ARHGEF38: variants seen among roughly 807,000 people sequenced by gnomAD.
The protein encoded by ARHGEF38 is Rho guanine nucleotide exchange factor (GEF) 38.
A neutral mutation model predicts 79.9 loss-of-function variants in ARHGEF38; 79 were observed. The ratio of observed to expected loss-of-function variants is 0.99; its 90% CI spans 0.82 to 1.19. The LOEUF (loss-of-function observed/expected upper bound fraction) is 1.19, where lower values mean the gene tolerates loss of function less well. Among genes scored for constraint, ARHGEF38 ranks in the 50% most tolerant of loss-of-function variants. The pLI is 0.00. For synonymous variants in ARHGEF38, 366 were observed against 328.3 expected (o/e 1.11, Z -1.24); for missense variants, 962 against 907.2 (o/e 1.06, Z -0.78).
At chr4:105,600,334 G>C (rs1355579554) in intron 2 of ARHGEF38, among the ~76,000 whole-genome samples, 1 of 152,166 alleles carries the variant, frequency 6.6e-6, no homozygotes, top group African/African-American at 2.4e-5. Context: ...AATTGCTTTA[G>C]ACATTAGCAA....
chr4:105,555,111 G>A (rs920905911), intron 1 of ARHGEF38, among the ~76,000 whole-genome samples: 1 of 152,150 alleles, frequency 6.6e-6, no homozygotes, highest in Non-Finnish European at 1.5e-5. Context: ...TTACTTTGCA[G>A]AAGACCTCAG....
chr4:105,565,180 T>A (rs535017201), intron 1 of ARHGEF38, among the ~76,000 whole-genome samples: 1 of 152,336 alleles, frequency 6.6e-6, no homozygotes, highest in African/African-American at 2.4e-5. Context: ...GCCCTTCCAA[T>A]GAAGATAAAA....
At chr4:105,568,303 C>T (rs1268812441) in intron 1 of ARHGEF38, among the ~76,000 whole-genome samples, 4 of 151,544 alleles carry the variant, frequency 2.6e-5, no homozygotes, top group Admixed American at 1.3e-4. Context: ...CCATCTCACA[C>T]CAGTTAGAAT....
chr4:105,661,252 C>A (rs527937173), intron 10 of ARHGEF38, among the ~76,000 whole-genome samples: 391 of 152,158 alleles, frequency 2.6e-3, no homozygotes, highest in Non-Finnish European at 4.0e-3. Flanking sequence ...TGGGTTATTT[C>A]CATTTTTTGG....
At position 105,580,222 on chromosome 4, in the gene ARHGEF38, A is replaced by G. The variant is rs1409425520; in HGVS notation, c.197-9026A>G. ...GTTTTCATGTCTCGATCTTCTATTC[A>G]GCTCTGATTTTGATTAGTTTGTGTC... On this transcript the variant is annotated intron_variant, in intron 1 of 13. Coordinates refer to ENST00000420470, the MANE Select transcript of ARHGEF38 (RefSeq NM_001242729.2). 2.6e-5 allele frequency among the ~76,000 whole-genome samples: 4 copies of G among 151,990 alleles called. No homozygotes were observed. The East Asian group carries it at 7.7e-4, about 29-fold the overall frequency.
intron 13 of ARHGEF38, among the ~76,000 whole-genome samples, chr4:105,674,618 A>G (rs1307643004): frequency 6.6e-6 from 1 of 152,120 alleles, no homozygotes; most frequent in Non-Finnish European, 1.5e-5. Flanking sequence ...GCTTACTTCC[A>G]TTTTGAGTAT....
At chr4:105,594,410 A>G (rs1482881741) in intron 2 of ARHGEF38, among the ~76,000 whole-genome samples, 1 of 152,232 alleles carries the variant, frequency 6.6e-6, no homozygotes. Context: ...GTTTTCAGAT[A>G]ACTATAGCAA....
intron 2 of ARHGEF38, among the ~76,000 whole-genome samples, chr4:105,608,683 C>T (rs1254247600): frequency 6.6e-6 from 1 of 151,766 alleles, no homozygotes. Flanking sequence ...ACTATAGTCA[C>T]CCTGTATCTT....
intron 9 of ARHGEF38, among the ~76,000 whole-genome samples, chr4:105,656,116 A>T (rs1560751759): frequency 6.6e-6 from 1 of 152,038 alleles, no homozygotes; most frequent in African/African-American, 2.4e-5. Flanking sequence ...GTGCAGTGGA[A>T]CAATCTCAGC....
At chr4:105,604,547 T>C (rs550583624) in intron 2 of ARHGEF38, among the ~76,000 whole-genome samples, 2 of 152,152 alleles carry the variant, frequency 1.3e-5, no homozygotes, top group Non-Finnish European at 2.9e-5. Context: ...CTAGTTTTTA[T>C]TGTATTATTG....
At chr4:105,558,816 CT>C (rs34981388) in intron 1 of ARHGEF38, among the ~76,000 whole-genome samples, 52,056 of 144,418 alleles carry the variant, frequency 0.36, 9,177 homozygotes, top group South Asian at 0.58. Context: ...TCTAGTTGTG[CT>C]TTTTTTTTTT....
At chr4:105,584,257 A>G (rs2110445708) in intron 1 of ARHGEF38, among the ~76,000 whole-genome samples, 1 of 152,374 alleles carries the variant, frequency 6.6e-6, no homozygotes, top group Admixed American at 6.5e-5. Context: ...GTGTATTTGT[A>G]TGTGCATGGA....
At chr4:105,620,678 C>T (rs1176868171) in intron 3 of ARHGEF38, among the ~76,000 whole-genome samples, 1 of 152,120 alleles carries the variant, frequency 6.6e-6, no homozygotes, top group Non-Finnish European at 1.5e-5. Context: ...ATTCATGGAT[C>T]TAATATGGTG....
intron 2 of ARHGEF38, among the ~76,000 whole-genome samples, chr4:105,596,296 G>C (rs996068022): frequency 3.3e-5 from 5 of 152,090 alleles, no homozygotes; most frequent in Non-Finnish European, 5.9e-5. Flanking sequence ...TTCTTAGCTG[G>C]CCGCTTTTTC....
At chr4:105,642,270 C>T (rs1729649974) in intron 5 of ARHGEF38, among the ~76,000 whole-genome samples, 1 of 152,172 alleles carries the variant, frequency 6.6e-6, no homozygotes, top group South Asian at 2.1e-4. Flanking sequence ...CATTGCTCAT[C>T]ACTTGGGCAA....
chr4:105,604,464 T>A (rs1727957021), intron 2 of ARHGEF38, among the ~76,000 whole-genome samples: 1 of 152,190 alleles, frequency 6.6e-6, no homozygotes, highest in South Asian at 2.1e-4. Context: ...TCATTTATCA[T>A]CTCTAGGAAA....
chr4:105,581,628 G>A (rs991587493), intron 1 of ARHGEF38, among the ~76,000 whole-genome samples: 1 of 151,894 alleles, frequency 6.6e-6, no homozygotes, highest in Non-Finnish European at 1.5e-5. Context: ...TAATTATTAT[G>A]AGCTTTTATT....
At chr4:105,582,547 C>T (rs1002282915) in intron 1 of ARHGEF38, among the ~76,000 whole-genome samples, 13 of 151,996 alleles carry the variant, frequency 8.6e-5, no homozygotes, top group Non-Finnish European at 1.9e-4. Flanking sequence ...CAAATGAGTC[C>T]TAACATTTTA....
chr4:105,576,524 T>C (rs2110432371), intron 1 of ARHGEF38, among the ~76,000 whole-genome samples: 1 of 152,256 alleles, frequency 6.6e-6, no homozygotes, highest in Admixed American at 6.5e-5. Flanking sequence ...ATTGATTTTG[T>C]AACCTGAGAC....
Sources: allele counts gnomAD v4.1 joint callset (sites outside exome capture counted in the v4.1 genomes callset), GRCh38; gene constraint gnomAD v4.1.1; transcripts MANE v1.5; gene names NCBI Gene and HGNC (gene_info 2026-07-23, HGNC 2026-07-21).